Variants in NKAIN2 observed in about 807,000 individuals in gnomAD.
The protein encoded by NKAIN2 is sodium/potassium transporting ATPase interacting 2, also known as sodium/potassium-transporting ATPase subunit beta-1-interacting protein 2.
In NKAIN2, 14 loss-of-function variants were observed where a neutral mutation model predicts 32.6. That is an observed-to-expected ratio of 0.43 (90% CI 0.28 to 0.67). The LOEUF (loss-of-function observed/expected upper bound fraction) is 0.67. NKAIN2 is among the 30% of genes least tolerant of loss of function. The pLI, the probability that NKAIN2 is intolerant of heterozygous loss-of-function variation, is 0.17. For synonymous variants in NKAIN2, 80 were observed against 87.2 expected, an observed-to-expected ratio of 0.92 and a Z score of 0.46; for missense variants, 198 against 258.3, an observed-to-expected ratio of 0.77 and a Z score of 1.60.
At chr6:123,970,329 T>C (rs1015622925) in intron 1 of NKAIN2, among the ~76,000 whole-genome samples, 2 of 151,958 alleles carry the variant, frequency 1.3e-5, no homozygotes, top group African/African-American at 4.8e-5. Context: ...CTAGAAGAAA[T>C]AGTAAGAGTT....
chr6:124,787,279 A>G (rs1470810814), intron 4 of NKAIN2, among the ~76,000 whole-genome samples: 1 of 152,174 alleles, frequency 6.6e-6, no homozygotes, highest in African/African-American at 2.4e-5. Context: ...ACACAAGTTT[A>G]CCTGTATAAC....
chr6:124,225,866 T>A (rs187392404), intron 1 of NKAIN2, among the ~76,000 whole-genome samples: 1 of 152,146 alleles, frequency 6.6e-6, no homozygotes, highest in African/African-American at 2.4e-5. Context: ...AACAAAGCTC[T>A]TTTCTCTAGT....
chr6:123,975,493 A>G (rs1778522309), intron 1 of NKAIN2, among the ~76,000 whole-genome samples: 1 of 152,206 alleles, frequency 6.6e-6, no homozygotes, highest in African/African-American at 2.4e-5. Context: ...TAAACTATGT[A>G]TTGGGGTTCT....
intron 2 of NKAIN2, among the ~76,000 whole-genome samples, chr6:124,284,680 A>C (rs1795459435): frequency 6.6e-6 from 1 of 152,046 alleles, no homozygotes; most frequent in Non-Finnish European, 1.5e-5. Flanking sequence ...GTTAATTTTG[A>C]GGACTAAAGG....
intron 1 of NKAIN2, among the ~76,000 whole-genome samples, chr6:124,281,185 T>C (rs775965336): frequency 4.6e-5 from 7 of 152,226 alleles, no homozygotes; most frequent in Non-Finnish European, 8.8e-5. Context: ...TCCAAATTTA[T>C]AGAGTTTAGA....
chr6:124,736,814 T>C (rs572030820), intron 4 of NKAIN2, among the ~76,000 whole-genome samples: 1 of 152,062 alleles, frequency 6.6e-6, no homozygotes, highest in African/African-American at 2.4e-5. Context: ...CTGATGGAGA[T>C]GTTAATGGAA....
At chr6:124,778,325 A>T (rs562322230) in intron 4 of NKAIN2, among the ~76,000 whole-genome samples, 1 of 152,038 alleles carries the variant, frequency 6.6e-6, no homozygotes, top group Non-Finnish European at 1.5e-5. Context: ...TGGTTCTTAT[A>T]GCACTTGATA....
intron 4 of NKAIN2, among the ~76,000 whole-genome samples, chr6:124,683,587 A>T (rs184489888): frequency 1.0e-3 from 159 of 152,294 alleles, no homozygotes; most frequent in Admixed American, 3.8e-3. Flanking sequence ...GCTGAGCAGC[A>T]CATTACATGC....
intron 1 of NKAIN2, among the ~76,000 whole-genome samples, chr6:123,900,241 G>A (rs1307487575): frequency 6.6e-6 from 1 of 152,126 alleles, no homozygotes; most frequent in Non-Finnish European, 1.5e-5. Flanking sequence ...GGAGGCTGAG[G>A]CGGGCGGATC....
intron 1 of NKAIN2, among the ~76,000 whole-genome samples, chr6:123,807,614 G>A (rs1562191381): frequency 6.6e-6 from 1 of 151,774 alleles, no homozygotes; most frequent in South Asian, 2.1e-4. Context: ...TTATAAATGT[G>A]GAAAAAATTA....
intron 1 of NKAIN2, among the ~76,000 whole-genome samples, chr6:124,046,904 T>C (rs757342655): frequency 9.9e-5 from 15 of 151,970 alleles, no homozygotes; most frequent in Non-Finnish European, 1.3e-4. Context: ...TCCAGGAAAG[T>C]ATATTGGAAT....
intron 1 of NKAIN2, among the ~76,000 whole-genome samples, chr6:124,058,012 T>G (rs548845808): frequency 6.6e-6 from 1 of 152,060 alleles, no homozygotes; most frequent in African/African-American, 2.4e-5. Flanking sequence ...CGTGATTGTT[T>G]AAACAGGAAC....
chr6:124,422,395 T>A (rs1191749643), intron 3 of NKAIN2, among the ~76,000 whole-genome samples: 1 of 152,190 alleles, frequency 6.6e-6, no homozygotes, highest in African/African-American at 2.4e-5. Flanking sequence ...TTGAAACAAC[T>A]TGGATATTTT....
At chr6:123,835,347 G>A (rs1485315306) in intron 1 of NKAIN2, among the ~76,000 whole-genome samples, 3 of 152,058 alleles carry the variant, frequency 2.0e-5, no homozygotes, top group Admixed American at 6.6e-5. Context: ...TTTTTGGTAC[G>A]TGGCTATCAA....
chr6:124,321,842 A>G (rs1797207113), intron 2 of NKAIN2, among the ~76,000 whole-genome samples: 1 of 152,202 alleles, frequency 6.6e-6, no homozygotes, highest in African/African-American at 2.4e-5. Context: ...CTGAAGTCTT[A>G]TAAACAAATC....
intron 3 of NKAIN2, among the ~76,000 whole-genome samples, chr6:124,411,829 T>A (rs1326810043): frequency 6.6e-6 from 1 of 152,218 alleles, no homozygotes; most frequent in Non-Finnish European, 1.5e-5. Context: ...CAATCAGACA[T>A]GGATTTGGTC....
intron 4 of NKAIN2, among the ~76,000 whole-genome samples, chr6:124,707,314 T>A (rs573088302): frequency 2.6e-5 from 4 of 152,222 alleles, no homozygotes; most frequent in Admixed American, 2.6e-4. Context: ...TGTGCATGTG[T>A]CTTTATAGCA....
intron 3 of NKAIN2, among the ~76,000 whole-genome samples, chr6:124,601,629 T>G (rs991237999): frequency 1.3e-5 from 2 of 152,022 alleles, no homozygotes; most frequent in African/African-American, 4.8e-5. Context: ...GAGTGCCTTA[T>G]ATGATTAGGA....
At chr6:123,872,659 A>C (rs1189130695) in intron 1 of NKAIN2, among the ~76,000 whole-genome samples, 2 of 152,242 alleles carry the variant, frequency 1.3e-5, no homozygotes, top group African/African-American at 2.4e-5. Flanking sequence ...ACTACGGCTC[A>C]CACAAAGATG....
Sources: gnomAD v4.1 joint callset for allele counts (sites outside exome capture counted in the v4.1 genomes callset) on GRCh38, gnomAD v4.1.1 for gene constraint, MANE v1.5 for transcripts, NCBI Gene and HGNC (gene_info 2026-07-23, HGNC 2026-07-21) for gene names.